SHISA9: variants seen among roughly 807,000 people sequenced by gnomAD.
The protein encoded by SHISA9 is shisa family member 9.
Under a neutral mutation model 38.0 loss-of-function variants are expected in SHISA9, and 13 were observed. That is an observed-to-expected ratio of 0.34 (90% confidence interval 0.22 to 0.54). The LOEUF (loss-of-function observed/expected upper bound fraction) is 0.54, where lower values mean the gene tolerates loss of function less well. Ranked by LOEUF, SHISA9 falls within the 20% of genes least tolerant of loss-of-function variation. The pLI, the probability that SHISA9 is intolerant of heterozygous loss-of-function variation, is 0.91. For missense variants in SHISA9, 538 were observed against 575.8 expected, an observed-to-expected ratio of 0.93 and a Z score of 0.67; for synonymous variants, 275 against 242.0, an observed-to-expected ratio of 1.14 and a Z score of -1.27.
intron 3 of SHISA9, among the ~76,000 whole-genome samples, chr16:13,210,125 C>T (rs1367379581): frequency 6.6e-6 from 1 of 152,130 alleles, no homozygotes; most frequent in African/African-American, 2.4e-5. Context: ...GTCCCTAAAG[C>T]TCACTTGGTG....
At chr16:13,386,423 C>G in the SHISA9 span, among the ~76,000 whole-genome samples, 1 of 152,146 alleles carries the variant, frequency 6.6e-6, no homozygotes, top group African/African-American at 2.4e-5. Context: ...TCAGACAAGT[C>G]TGGATTCAAA....
At chr16:13,250,821 T>C in the SHISA9 span, among the ~76,000 whole-genome samples, 130,108 of 152,116 alleles carry the variant, frequency 0.86, 56,090 homozygotes, top group African/African-American at 0.97. Context: ...CTGCAGATGG[T>C]GAGGCAAACC....
chr16:13,202,889 G>C (rs2051019263), intron 2 of SHISA9, among the ~76,000 whole-genome samples: 1 of 152,132 alleles, frequency 6.6e-6, no homozygotes, highest in Non-Finnish European at 1.5e-5. Flanking sequence ...TCAATACTCA[G>C]TGCCTGATTT....
chr16:13,549,806 C>G, the SHISA9 span, among the ~76,000 whole-genome samples: 2 of 152,088 alleles, frequency 1.3e-5, no homozygotes, highest in South Asian at 2.1e-4. Flanking sequence ...GGGCAGATCA[C>G]AAGGTCAGGA....
rs948782420 is a variant in SHISA9, at chr16:12,916,734, C to T, written c.610C>T (p.His204Tyr). The T allele has an allele frequency of 5.2e-6, 8 of 1,552,162 alleles. No homozygotes were observed. The highest frequency in any genetic ancestry group is 1.4e-5 in the African/African-American group (1 of 73,176). Residue 204 changes from histidine (H) to tyrosine (Y), a missense_variant, in exon 2 of 5, where the codon CAC (histidine) becomes TAC (tyrosine). Around this residue, in one of 4 missense-constraint regions of SHISA9, gnomAD observed 326 missense variants for 305.9 expected, o/e 1.07. Coordinates refer to ENST00000558583, the MANE Select transcript of SHISA9 (RefSeq NM_001145204.3). ...ACCACAGGGCCACTGCAACACTGAT[C>T]ACATGGAGAGAGACCTAAACATCGT... ...MRPQGHCNTD[H>Y]MERDLNIVVH...
the SHISA9 span, among the ~76,000 whole-genome samples, chr16:13,482,790 G>T: frequency 1.6e-5 from 2 of 124,346 alleles, no homozygotes; most frequent in Middle Eastern, 4.7e-3. Context: ...AACAGAGCAA[G>T]ATCCTGTCAC....
the SHISA9 span, among the ~76,000 whole-genome samples, chr16:13,256,343 G>T: frequency 6.6e-6 from 1 of 152,196 alleles, no homozygotes; most frequent in Non-Finnish European, 1.5e-5. Context: ...GTGCAATGGT[G>T]CCACCTCGGC....
the SHISA9 span, among the ~76,000 whole-genome samples, chr16:13,476,708 G>A: frequency 1.8e-5 from 2 of 113,276 alleles, no homozygotes; most frequent in Admixed American, 1.8e-4. Context: ...ACTGAATTTT[G>A]TCATTCAGCC....
At chr16:13,256,146 A>G in the SHISA9 span, among the ~76,000 whole-genome samples, 4 of 152,156 alleles carry the variant, frequency 2.6e-5, no homozygotes, top group Non-Finnish European at 5.9e-5. Flanking sequence ...CTTTTCTCCT[A>G]CATCTGCTTA....
rs563666800 is a variant in SHISA9, at chr16:13,114,275, G to A, written c.692-89119G>A. Among the ~76,000 whole-genome samples the A allele has an allele frequency of 2.0e-5, 3 of 151,866 alleles. No homozygotes were observed. The South Asian group carries it at 6.2e-4, about 31-fold the overall frequency. The stretch of plus-strand genomic sequence containing the variant: ...AGGTCAGGAGATCGAGACCATCCTG[G>A]CTAACATGGTGAAACCCCATCTCCA... On this transcript the variant is annotated intron_variant, in intron 2 of 4. Transcript: ENST00000558583.
the SHISA9 span, among the ~76,000 whole-genome samples, chr16:13,338,601 T>C: frequency 6.6e-6 from 1 of 152,168 alleles, no homozygotes; most frequent in African/African-American, 2.4e-5. Context: ...GTCTGGCTTC[T>C]ACACTGCACG....
At chr16:13,092,929 A>C (rs1427972038) in intron 2 of SHISA9, among the ~76,000 whole-genome samples, 1 of 152,202 alleles carries the variant, frequency 6.6e-6, no homozygotes, top group Non-Finnish European at 1.5e-5. Flanking sequence ...TGCAGACCAG[A>C]GCTGTTCCTA....
At chr16:13,029,746 A>G (rs999501992) in intron 2 of SHISA9, among the ~76,000 whole-genome samples, 1 of 152,242 alleles carries the variant, frequency 6.6e-6, no homozygotes, top group Non-Finnish European at 1.5e-5. Flanking sequence ...ATCTGAAAAT[A>G]AAAACAATTG....
At chr16:13,017,133 C>T (rs2072767308) in intron 2 of SHISA9, among the ~76,000 whole-genome samples, 1 of 151,888 alleles carries the variant, frequency 6.6e-6, no homozygotes, top group East Asian at 1.9e-4. Flanking sequence ...GATTCTCCTG[C>T]TTCAGCCTTC....
In SHISA9 at chr16:13,236,094, GTAAA is replaced by G. The variant is rs1043384369; in HGVS notation, c.*688_*691del. The G allele has an allele frequency of 9.2e-5, 14 of 152,102 alleles. No individual in the cohort carries two copies. The highest frequency in any genetic ancestry group is 3.4e-4 in the African/African-American group (14 of 41,442). The allele number at this position is 152,102 out of a possible 1,614,324, so 9.4% of individuals were successfully genotyped here. On this transcript the variant is annotated 3_prime_UTR_variant, in exon 5 of 5. Transcript: ENST00000558583. ...CAACACACCCTCAAACTCACAGAAAGTAAATAGACCCTGAACCCACCGACAATGA... is the reference window on the plus strand; with the variant it reads ...CAACACACCCTCAAACTCACAGAAAGTAGACCCTGAACCCACCGACAATGA...
chr16:13,433,845 T>C, the SHISA9 span, among the ~76,000 whole-genome samples: 1 of 152,200 alleles, frequency 6.6e-6, no homozygotes, highest in Non-Finnish European at 1.5e-5. Flanking sequence ...TGACCATCTA[T>C]TGTCTGATTT....
chr16:13,309,702 A>AT, the SHISA9 span, among the ~76,000 whole-genome samples: 2 of 151,518 alleles, frequency 1.3e-5, no homozygotes, highest in Non-Finnish European at 1.5e-5. Flanking sequence ...AGAGGGATAT[A>AT]TTTTTAACTC....
At chr16:13,429,980 A>T in the SHISA9 span, among the ~76,000 whole-genome samples, 2 of 152,304 alleles carry the variant, frequency 1.3e-5, no homozygotes, top group African/African-American at 4.8e-5. Context: ...GTTAAATGGG[A>T]TCCTTAATGT....
chr16:13,375,665 G>A, the SHISA9 span, among the ~76,000 whole-genome samples: 1 of 152,028 alleles, frequency 6.6e-6, no homozygotes, highest in Non-Finnish European at 1.5e-5. Context: ...AATTCCATTA[G>A]CAATAGCCAA....
Sources: gnomAD v4.1 joint callset for allele counts (sites outside exome capture counted in the v4.1 genomes callset) on GRCh38, gnomAD v4.1.1 for gene constraint, gnomAD v4.1.1 regional missense constraint, MANE v1.5 for transcripts, NCBI Gene and HGNC (gene_info 2026-07-23, HGNC 2026-07-21) for gene names.